The following TTC27 variants were observed in gnomAD, a reference collection of about 807,000 sequenced individuals.
TTC27 encodes the protein tetratricopeptide repeat domain 27.
A neutral mutation model predicts 115.9 loss-of-function variants in TTC27; 79 were observed. That is an observed-to-expected ratio of 0.68 (90% confidence interval 0.57 to 0.82). The LOEUF is 0.82. Among genes scored for constraint, TTC27 ranks in the 40% least tolerant of loss-of-function variants. The pLI is 0.00. For synonymous variants in TTC27, 401 were observed against 356.0 expected (o/e 1.13, Z -1.42); for missense variants, 1,054 against 993.1 (o/e 1.06, Z -0.82).
chr2:32,642,229 T>C (rs1385566044), intron 4 of TTC27, among the ~76,000 whole-genome samples: 1 of 151,006 alleles, frequency 6.6e-6, no homozygotes, highest in African/African-American at 2.4e-5. Context: ...TTCCTAAGCA[T>C]TTAAGTTTAT....
chr2:32,691,537 G>A (rs1300340482), intron 9 of TTC27, among the ~76,000 whole-genome samples: 1 of 151,982 alleles, frequency 6.6e-6, no homozygotes, highest in Non-Finnish European at 1.5e-5. Context: ...GACCTCAGGT[G>A]ATCAGTCCAC....
chr2:32,664,551 T>A, intron 6 of TTC27, 84 bp downstream of exon 6: 1 of 1,188,036 alleles, frequency 8.4e-7, no homozygotes. Flanking sequence ...ATGTTGGTAT[T>A]AGATTTTCTA....
At chr2:32,777,141 A>G (rs1670022217) in intron 13 of TTC27, among the ~76,000 whole-genome samples, 4 of 152,262 alleles carry the variant, frequency 2.6e-5, no homozygotes, top group Admixed American at 2.6e-4. Flanking sequence ...AGGCATGCCT[A>G]AAGCAGATAT....
intron 18 of TTC27, 22 bp from the exon 19 acceptor site, chr2:32,817,435 T>G: frequency 6.3e-7 from 1 of 1,590,192 alleles, no homozygotes; most frequent in Non-Finnish European, 8.6e-7. Flanking sequence ...AATGGATGTT[T>G]CTCTCCATAC....
At chr2:32,722,284 A>T (rs1194660693) in intron 10 of TTC27, among the ~76,000 whole-genome samples, 1 of 152,202 alleles carries the variant, frequency 6.6e-6, no homozygotes, top group African/African-American at 2.4e-5. Context: ...TTTCATCTGC[A>T]TTAATAACTG....
intron 10 of TTC27, among the ~76,000 whole-genome samples, chr2:32,704,141 A>G (rs1667284208): frequency 6.6e-6 from 1 of 152,150 alleles, no homozygotes; most frequent in African/African-American, 2.4e-5. Flanking sequence ...CAACATATAT[A>G]TTTTGGAGGA....
chr2:32,797,279 A>C (rs1419019799), intron 16 of TTC27, among the ~76,000 whole-genome samples: 1 of 151,938 alleles, frequency 6.6e-6, no homozygotes, highest in Non-Finnish European at 1.5e-5. Context: ...TCCGGGGCTC[A>C]AGCAGCCCTC....
intron 13 of TTC27, among the ~76,000 whole-genome samples, chr2:32,771,934 T>C (rs886460669): frequency 6.6e-6 from 1 of 152,150 alleles, no homozygotes; most frequent in Non-Finnish European, 1.5e-5. Flanking sequence ...TAACCTTTAT[T>C]ATATGTGACA....
In TTC27 at chr2:32,628,398, CG is replaced by C; in HGVS notation, c.88+21del. 6.4e-7 allele frequency: 1 copy of C among 1,567,844 alleles called. No individual in the cohort carries two copies. On this transcript the variant is annotated intron_variant, in intron 1 of 19. Coordinates refer to ENST00000317907, the MANE Select transcript of TTC27 (RefSeq NM_017735.5). ...CGGTTCAGGTGAGAGGCGCACCTAC[CG>C]GGCCTTAGGCTATCGTGGGAACTGT...
chr2:32,820,869 C>T lies in TTC27; in HGVS notation c.2463C>T (p.Asp821=). The T allele has an allele frequency of 1.3e-6, 2 of 1,544,864 alleles. No individual in the cohort carries two copies. Among genetic ancestry groups the T allele is most frequent in the South Asian group, 1.2e-5 (1 of 83,084 alleles). ...TGEMSRELAD[D]ITAMDTLVTE... Reference sequence around the variant, plus strand: ...AAATGTCCAGGGAATTAGCTGATGACATAACAGCTATGGACACCTTAGTGA... The same window carrying T: ...AAATGTCCAGGGAATTAGCTGATGATATAACAGCTATGGACACCTTAGTGA... Residue 821 remains aspartate, a synonymous_variant, in exon 20 of 20, where the codon GAC becomes GAT. Coordinates refer to ENST00000317907, the MANE Select transcript of TTC27 (RefSeq NM_017735.5).
At chr2:32,667,577 C>T (rs868240866) in intron 7 of TTC27, among the ~76,000 whole-genome samples, 24 of 151,276 alleles carry the variant, frequency 1.6e-4, no homozygotes, top group African/African-American at 5.3e-4. Context: ...CCACCACGCC[C>T]GGCTAATTTT....
intron 16 of TTC27, among the ~76,000 whole-genome samples, chr2:32,792,139 A>G (rs1195628034): frequency 5.9e-5 from 9 of 152,082 alleles, no homozygotes; most frequent in Admixed American, 5.9e-4. Context: ...ATTCTTGCAT[A>G]TTGAGGTTGT....
intron 16 of TTC27, among the ~76,000 whole-genome samples, chr2:32,798,135 G>A (rs185832713): frequency 2.0e-5 from 3 of 151,150 alleles, no homozygotes; most frequent in Non-Finnish European, 2.9e-5. Context: ...GGCCAGGCGC[G>A]GTGGCTCACA....
chr2:32,712,107 A>G (rs1237285503), intron 10 of TTC27, among the ~76,000 whole-genome samples: 4 of 152,224 alleles, frequency 2.6e-5, no homozygotes, highest in African/African-American at 7.2e-5. Context: ...ACAGACTTAC[A>G]TGGTTGCCGG....
chr2:32,740,640 T>C (rs1668600528), intron 12 of TTC27, among the ~76,000 whole-genome samples: 1 of 152,006 alleles, frequency 6.6e-6, no homozygotes, highest in East Asian at 1.9e-4. Context: ...GACAACTTTA[T>C]TTATTTATTT....
At chr2:32,789,255 C>A (rs1670449621) in intron 16 of TTC27, among the ~76,000 whole-genome samples, 1 of 152,006 alleles carries the variant, frequency 6.6e-6, no homozygotes, top group South Asian at 2.1e-4. Context: ...AAAAGAAAGG[C>A]AAGAAAAAGT....
At chr2:32,705,353 A>C (rs1435596201) in intron 10 of TTC27, among the ~76,000 whole-genome samples, 1 of 152,182 alleles carries the variant, frequency 6.6e-6, no homozygotes, top group African/African-American at 2.4e-5. Flanking sequence ...TAAATTACCA[A>C]GCCTCAGGTA....
intron 8 of TTC27, among the ~76,000 whole-genome samples, chr2:32,674,671 T>G (rs1424303963): frequency 1.6e-4 from 24 of 151,704 alleles, no homozygotes; most frequent in Non-Finnish European, 3.4e-4. Context: ...ATTTTTTTTT[T>G]TTTTTGAGAC....
At chr2:32,746,273 C>T (rs1262934779) in intron 12 of TTC27, among the ~76,000 whole-genome samples, 2 of 151,916 alleles carry the variant, frequency 1.3e-5, no homozygotes, top group Non-Finnish European at 2.9e-5. Context: ...TATAAGAATG[C>T]ACATCTGGCC....
Sources: gnomAD v4.1 joint callset for allele counts (sites outside exome capture counted in the v4.1 genomes callset) on GRCh38, gnomAD v4.1.1 for gene constraint, MANE v1.5 for transcripts, NCBI Gene and HGNC (gene_info 2026-07-23, HGNC 2026-07-21) for gene names.